FBXW7: variants seen among roughly 807,000 people sequenced by gnomAD.
The protein encoded by FBXW7 is F-box/WD repeat-containing protein 7.
Under a neutral mutation model 86.3 loss-of-function variants are expected in FBXW7, and 11 were observed. That is an observed-to-expected ratio of 0.13 (90% CI 0.08 to 0.21). The LOEUF (loss-of-function observed/expected upper bound fraction) is 0.21, where lower values mean the gene tolerates loss of function less well. FBXW7 is among the 10% of genes least tolerant of loss of function. The pLI, the probability that FBXW7 is intolerant of heterozygous loss-of-function variation, is 1.00. For missense variants in FBXW7, 488 were observed against 847.4 expected (o/e 0.58, Z 5.27); for synonymous variants, 313 against 297.9 (o/e 1.05, Z -0.52).
intron 2 of FBXW7, among the ~76,000 whole-genome samples, chr4:152,445,910 TAAAAAA>T (rs11457603): frequency 0.014 from 1,376 of 100,410 alleles, 19 homozygotes; most frequent in East Asian, 0.035. Context: ...ACTCTGTCTT[TAAAAAA>T]AAAAAAAAAA....
At chr4:152,333,745 C>G (rs574492072) in intron 7 of FBXW7, among the ~76,000 whole-genome samples, 33 of 152,066 alleles carry the variant, frequency 2.2e-4, no homozygotes, top group Non-Finnish European at 4.0e-4. Context: ...TTCCCAATGA[C>G]TTTGCATATA....
At chr4:152,421,099 G>A (rs901777092) in intron 2 of FBXW7, among the ~76,000 whole-genome samples, 10 of 152,060 alleles carry the variant, frequency 6.6e-5, no homozygotes, top group African/African-American at 1.7e-4. Flanking sequence ...ATAACATGCT[G>A]CAGCAGCTTC....
At chr4:152,495,756 T>C (rs896714731) in intron 2 of FBXW7, among the ~76,000 whole-genome samples, 5 of 152,148 alleles carry the variant, frequency 3.3e-5, no homozygotes, top group African/African-American at 1.2e-4. Context: ...TTTAGTAAAG[T>C]GGTCCTACAT....
chr4:152,377,598 CA>C (rs545737337), intron 4 of FBXW7, among the ~76,000 whole-genome samples: 239 of 128,560 alleles, frequency 1.9e-3, no homozygotes, highest in Middle Eastern at 3.8e-3. Context: ...CTAAAAATAT[CA>C]AAAAAAAAAA....
intron 4 of FBXW7, chr4:152,382,193 C>A: frequency 6.4e-7 from 1 of 1,551,474 alleles, no homozygotes; most frequent in Non-Finnish European, 8.7e-7. Flanking sequence ...ACTTACCCGT[C>A]TTCGACAAAA....
rs907833130 is a variant in FBXW7, at chr4:152,456,383, A to C, written c.-119-43854T>G. 1.3e-3 allele frequency among the ~76,000 whole-genome samples: 199 copies of C among 150,210 alleles called. 1 individual carries two copies. The highest frequency in any genetic ancestry group is 4.6e-3 in the African/African-American group (188 of 41,078). On this transcript the variant is annotated intron_variant, in intron 2 of 13. Coordinates refer to ENST00000281708, the MANE Select transcript of FBXW7 (RefSeq NM_001349798.2). Reference sequence around the variant, plus strand: ...CTTAAAAAAAAAAAAAAAAAAAAAAAAAAACAGCCAAGTGTTGTAGTACAC... The same window carrying C: ...CTTAAAAAAAAAAAAAAAAAAAAAACAAAACAGCCAAGTGTTGTAGTACAC...
intron 4 of FBXW7, among the ~76,000 whole-genome samples, chr4:152,372,080 G>T (rs1010171021): frequency 6.6e-6 from 1 of 151,908 alleles, no homozygotes; most frequent in Non-Finnish European, 1.5e-5. Flanking sequence ...CTCATTTAAA[G>T]AATAAGTCTA....
chr4:152,523,112 C>CA (rs1749171622), intron 2 of FBXW7, among the ~76,000 whole-genome samples: 2 of 152,176 alleles, frequency 1.3e-5, no homozygotes, highest in Non-Finnish European at 2.9e-5. Context: ...GCAGTTTCAG[C>CA]AACTAGAGTG....
At chr4:152,524,819 C>T (rs1749354996) in intron 2 of FBXW7, among the ~76,000 whole-genome samples, 1 of 152,088 alleles carries the variant, frequency 6.6e-6, no homozygotes, top group African/African-American at 2.4e-5. Flanking sequence ...AGTATTTATC[C>T]GCAGGGGGGA....
intron 6 of FBXW7, among the ~76,000 whole-genome samples, chr4:152,341,386 C>T (rs1490099335): frequency 6.6e-6 from 1 of 152,202 alleles, no homozygotes; most frequent in East Asian, 1.9e-4. Context: ...ACCCACATGC[C>T]TTGCTTCCTT....
chr4:152,371,926 CTG>C (rs1734038737), intron 4 of FBXW7, among the ~76,000 whole-genome samples: 1 of 151,850 alleles, frequency 6.6e-6, no homozygotes, highest in Admixed American at 6.6e-5. Context: ...GAAAGGTGTG[CTG>C]TCTTATTCAT....
At chr4:152,502,751 G>C (rs2149702645) in intron 2 of FBXW7, among the ~76,000 whole-genome samples, 1 of 152,218 alleles carries the variant, frequency 6.6e-6, no homozygotes, top group African/African-American at 2.4e-5. Context: ...ATTTTCTAAT[G>C]AATGACAATT....
chr4:152,458,637 A>G (rs1051970548), intron 2 of FBXW7, among the ~76,000 whole-genome samples: 5 of 152,250 alleles, frequency 3.3e-5, no homozygotes, highest in African/African-American at 1.2e-4. Context: ...AGCACAGTTA[A>G]CATCATGCTG....
chr4:152,346,129 T>A (rs1379920144), intron 6 of FBXW7, among the ~76,000 whole-genome samples: 1 of 152,156 alleles, frequency 6.6e-6, no homozygotes, highest in African/African-American at 2.4e-5. Context: ...CAATGTAATA[T>A]CACTATCTTA....
At chr4:152,491,574 G>C (rs993916654) in intron 2 of FBXW7, among the ~76,000 whole-genome samples, 5 of 152,134 alleles carry the variant, frequency 3.3e-5, no homozygotes, top group African/African-American at 1.2e-4. Context: ...AGGAATTCAG[G>C]ATAGTGGCTG....
In FBXW7 at chr4:152,489,313, T is replaced by A. The variant is rs1163151999; in HGVS notation, c.-120+45628A>T. ...AAGTAGTGTATGGTGCTCAGTTCTG[T>A]TTTTTAGAAAAGTCACTCCTGAACT... On this transcript the variant is annotated intron_variant, in intron 2 of 13. Transcript: ENST00000281708. 8 of 154,470 alleles carry A rather than the reference T, an allele frequency of 5.2e-5. No homozygotes were observed. The East Asian group carries it at 1.5e-3, about 30-fold the overall frequency. 9.6% of individuals were successfully genotyped at this position (154,470 alleles called of 1,614,324 possible).
intron 8 of FBXW7, among the ~76,000 whole-genome samples, chr4:152,331,879 C>G (rs547653350): frequency 6.6e-6 from 1 of 152,036 alleles, no homozygotes; most frequent in South Asian, 2.1e-4. Flanking sequence ...AGGTCAAAAG[C>G]AGGATGACAA....
chr4:152,471,219 T>G (rs1743928114), intron 2 of FBXW7, among the ~76,000 whole-genome samples: 1 of 151,680 alleles, frequency 6.6e-6, no homozygotes. Flanking sequence ...TAGAGACCTA[T>G]ATATATAAAA....
chr4:152,489,801 C>G (rs566825022), intron 2 of FBXW7, among the ~76,000 whole-genome samples: 15 of 152,120 alleles, frequency 9.9e-5, no homozygotes, highest in Non-Finnish European at 1.9e-4. Flanking sequence ...GCTTACTACC[C>G]TCCCCTCAAT....
Sources: gnomAD v4.1 joint callset for allele counts (sites outside exome capture counted in the v4.1 genomes callset) on GRCh38, gnomAD v4.1.1 for gene constraint, MANE v1.5 for transcripts, NCBI Gene and HGNC (gene_info 2026-07-23, HGNC 2026-07-21) for gene names.